Variants in CX3CR1 observed in about 807,000 individuals in gnomAD.
CX3CR1 encodes CX3C chemokine receptor 1.
For synonymous variants in CX3CR1, 168 were observed against 178.5 expected (o/e 0.94, Z 0.47); for missense variants, 363 against 432.4 (o/e 0.84, Z 1.42).
chr3:39,268,237 C>A (rs567838490), intron 1 of CX3CR1, among the ~76,000 whole-genome samples: 2 of 152,336 alleles, frequency 1.3e-5, no homozygotes, highest in African/African-American at 4.8e-5. Context: ...CTGTCTCAGG[C>A]TGTGATGAGT....
upstream of CX3CR1, among the ~76,000 whole-genome samples, chr3:39,282,634 C>G (rs747039485): frequency 2.6e-5 from 4 of 152,080 alleles, no homozygotes; most frequent in Non-Finnish European, 5.9e-5. Context: ...ACAATGCAGG[C>G]AAGGACTGGA....
upstream of CX3CR1, chr3:39,281,660 G>A (rs572228797): frequency 9.4e-6 from 15 of 1,599,140 alleles, no homozygotes; most frequent in Non-Finnish European, 1.2e-5. Flanking sequence ...TGAAATCCAA[G>A]TCTGCCAACT....
At chr3:39,273,450 T>C (rs541689167) in intron 1 of CX3CR1, among the ~76,000 whole-genome samples, 200 of 152,320 alleles carry the variant, frequency 1.3e-3, no homozygotes, top group African/African-American at 4.7e-3. Flanking sequence ...AAATATATGA[T>C]AGTGCTTTTA....
At chr3:39,282,835 C>T (rs985862462), upstream of CX3CR1, among the ~76,000 whole-genome samples, 10 of 152,178 alleles carry the variant, frequency 6.6e-5, no homozygotes, top group Admixed American at 3.3e-4. Flanking sequence ...CCTAAGTCCT[C>T]GATGTACATG....
the CX3CR1 span, among the ~76,000 whole-genome samples, chr3:39,288,788 C>T: frequency 6.6e-6 from 1 of 152,250 alleles, no homozygotes; most frequent in African/African-American, 2.4e-5. Flanking sequence ...TCCCACTCTC[C>T]TGGTTCAAAT....
At chr3:39,276,899 T>A (rs752636972) in intron 1 of CX3CR1, among the ~76,000 whole-genome samples, 4 of 152,114 alleles carry the variant, frequency 2.6e-5, no homozygotes, top group Non-Finnish European at 2.9e-5. Flanking sequence ...TGGTTCTTTG[T>A]GGGAGAGGAA....
At chr3:39,266,628 T>G (rs1428001887) in intron 1 of CX3CR1, 110 bp from the exon 2 acceptor site, 1 of 1,054,646 alleles carries the variant, frequency 9.5e-7, no homozygotes, top group Non-Finnish European at 1.5e-6. Flanking sequence ...ATTGGTTGGG[T>G]GCACACTACA....
intron 1 of CX3CR1, 67 bp from the exon 2 acceptor site, chr3:39,266,585 G>T: frequency 6.7e-7 from 1 of 1,495,180 alleles, no homozygotes. Flanking sequence ...ATTCTGTGTG[G>T]CCTCATATGT....
chr3:39,270,092 C>G (rs9862876), intron 1 of CX3CR1, among the ~76,000 whole-genome samples: 27,657 of 152,230 alleles, frequency 0.18, 2,948 homozygotes, highest in Non-Finnish European at 0.24. Context: ...TTCCCACTCT[C>G]CCTTGAAGAT....
At chr3:39,281,558 C>T (rs1410241712), upstream of CX3CR1, 3 of 1,506,756 alleles carry the variant, frequency 2.0e-6, no homozygotes, top group Middle Eastern at 1.7e-4. Context: ...TGGATAATTT[C>T]CCAAGCCCAT....
chr3:39,272,841 C>A (rs945384321), intron 1 of CX3CR1, among the ~76,000 whole-genome samples: 3 of 152,218 alleles, frequency 2.0e-5, no homozygotes, highest in African/African-American at 7.2e-5. Context: ...TCTGAAGTCA[C>A]CCTCAGAAAG....
rs1040787941 is a variant in CX3CR1, at chr3:39,265,194, T to A, written c.*248A>T. On this transcript the variant is annotated 3_prime_UTR_variant, in exon 2 of 2. Transcript: ENST00000399220. ...TAGTCTGAGTTGAATTTTTGTCATCTGCAAACCAAAAAGTTCTGATGACAT... is the reference window on the plus strand; with the variant it reads ...TAGTCTGAGTTGAATTTTTGTCATCAGCAAACCAAAAAGTTCTGATGACAT... 2 of 439,682 alleles carry A rather than the reference T, an allele frequency of 4.5e-6. No individual in the cohort carries two copies. The highest frequency in any genetic ancestry group is 8.0e-6 in the Non-Finnish European group (2 of 249,360). The allele number at this position is 439,682 out of a possible 1,614,324, so 27.2% of individuals were successfully genotyped here. A position where few individuals can be genotyped will look rare whatever the true frequency, so the allele number is the denominator to read the frequency against.
chr3:39,267,314 C>A (rs2040712580), intron 1 of CX3CR1, among the ~76,000 whole-genome samples: 1 of 152,184 alleles, frequency 6.6e-6, no homozygotes, highest in Non-Finnish European at 1.5e-5. Context: ...ACCTTTTCCA[C>A]CCTCTGGCCC....
the CX3CR1 span, chr3:39,287,040 G>C: frequency 4.6e-5 from 7 of 152,352 alleles, no homozygotes; most frequent in South Asian, 6.2e-4. Flanking sequence ...GCTGGAGAGT[G>C]TTGCACAGCC....
chr3:39,270,852 T>C (rs901547152), intron 1 of CX3CR1, among the ~76,000 whole-genome samples: 2 of 152,242 alleles, frequency 1.3e-5, no homozygotes, highest in South Asian at 2.1e-4. Flanking sequence ...ATGAGTTATA[T>C]GAAAAACTAA....
At chr3:39,277,439 C>T (rs889417296) in intron 1 of CX3CR1, among the ~76,000 whole-genome samples, 5 of 152,218 alleles carry the variant, frequency 3.3e-5, no homozygotes, top group African/African-American at 1.2e-4. Flanking sequence ...CAGCCAAGAT[C>T]TGGATTCTGC....
At chr3:39,284,186 T>G (rs3926044), upstream of CX3CR1, among the ~76,000 whole-genome samples, 87,454 of 151,648 alleles carry the variant, frequency 0.58, 26,061 homozygotes, top group East Asian at 0.94. Flanking sequence ...AGTTTTTTTT[T>G]TTTGTTTGTT....
chr3:39,272,393 G>A (rs1223125608), intron 1 of CX3CR1, among the ~76,000 whole-genome samples: 1 of 152,124 alleles, frequency 6.6e-6, no homozygotes, highest in African/African-American at 2.4e-5. Context: ...GGCTGATCCT[G>A]GTCTACTTCC....
chr3:39,273,128 A>G (rs1232855069), intron 1 of CX3CR1, among the ~76,000 whole-genome samples: 2 of 152,272 alleles, frequency 1.3e-5, no homozygotes, highest in African/African-American at 4.8e-5. Context: ...AGGATATTGC[A>G]GGCCACTTCT....
Sources: gnomAD v4.1 joint callset for allele counts (sites outside exome capture counted in the v4.1 genomes callset) on GRCh38, gnomAD v4.1.1 for gene constraint, MANE v1.5 for transcripts, NCBI Gene and HGNC (gene_info 2026-07-23, HGNC 2026-07-21) for gene names.